Variants in MDFIC observed in about 807,000 individuals in gnomAD.
MDFIC encodes the protein myoD family inhibitor domain-containing protein.
In MDFIC, 17 loss-of-function variants were observed where a neutral mutation model predicts 23.2. That is an observed-to-expected ratio of 0.73 (90% confidence interval 0.50 to 1.10). The LOEUF is 1.10. Among genes scored for constraint, MDFIC ranks in the 50% least tolerant of loss-of-function variants. The pLI, the probability that MDFIC is intolerant of heterozygous loss-of-function variation, is 0.00. For missense variants in MDFIC, 356 were observed against 316.6 expected (o/e 1.12, Z -0.95); for synonymous variants, 120 against 115.2 (o/e 1.04, Z -0.27).
At chr7:114,924,796 T>C (rs1471134576) in intron 2 of MDFIC, among the ~76,000 whole-genome samples, 1 of 152,240 alleles carries the variant, frequency 6.6e-6, no homozygotes, top group Admixed American at 6.5e-5. Context: ...TGTTAAAATA[T>C]GATGTCTTAA....
chr7:114,938,295 G>T (rs768834520), intron 2 of MDFIC, among the ~76,000 whole-genome samples: 2 of 152,146 alleles, frequency 1.3e-5, no homozygotes, highest in Non-Finnish European at 2.9e-5. Flanking sequence ...CATGGAGACA[G>T]AAATAAATAC....
At chr7:114,954,034 A>G (rs372494235) in intron 3 of MDFIC, among the ~76,000 whole-genome samples, 1 of 152,226 alleles carries the variant, frequency 6.6e-6, no homozygotes, top group African/African-American at 2.4e-5. Context: ...CTTCTAGGTC[A>G]GGATTTCCCA....
At chr7:114,930,175 A>G (rs1253648077) in intron 2 of MDFIC, among the ~76,000 whole-genome samples, 2 of 152,208 alleles carry the variant, frequency 1.3e-5, no homozygotes, top group Non-Finnish European at 2.9e-5. Flanking sequence ...ACTGAATGGC[A>G]TGAATTCTTA....
intron 2 of MDFIC, among the ~76,000 whole-genome samples, chr7:114,933,410 C>T (rs1792366956): frequency 6.6e-6 from 1 of 152,090 alleles, no homozygotes; most frequent in Non-Finnish European, 1.5e-5. Flanking sequence ...AGGCATGGGC[C>T]ACCATGCCCA....
chr7:114,993,819 T>C (rs1791245680), intron 4 of MDFIC, among the ~76,000 whole-genome samples: 1 of 152,252 alleles, frequency 6.6e-6, no homozygotes, highest in African/African-American at 2.4e-5. Context: ...GAAGAATGTA[T>C]ATTCTGTTGA....
chr7:114,964,458 T>C (rs1167123114), intron 3 of MDFIC, among the ~76,000 whole-genome samples: 1 of 151,988 alleles, frequency 6.6e-6, no homozygotes, highest in Non-Finnish European at 1.5e-5. Flanking sequence ...CATTATTGTT[T>C]CTTTCTATTC....
intron 3 of MDFIC, among the ~76,000 whole-genome samples, chr7:114,949,806 G>A (rs2115803316): frequency 6.6e-6 from 1 of 152,198 alleles, no homozygotes; most frequent in South Asian, 2.1e-4. Context: ...TGGGGAGGGG[G>A]CCAGAGGGAG....
chr7:115,000,657 A>G (rs1423069827), intron 4 of MDFIC, among the ~76,000 whole-genome samples: 1 of 152,202 alleles, frequency 6.6e-6, no homozygotes, highest in Non-Finnish European at 1.5e-5. Flanking sequence ...AAATGATAAA[A>G]AAGGACATAT....
intron 4 of MDFIC, among the ~76,000 whole-genome samples, chr7:114,993,947 G>A (rs1396548109): frequency 6.6e-6 from 1 of 152,032 alleles, no homozygotes; most frequent in Non-Finnish European, 1.5e-5. Flanking sequence ...TTGACAGTGG[G>A]GTGTTAAGGT....
intron 3 of MDFIC, among the ~76,000 whole-genome samples, chr7:114,946,058 G>A (rs1315010015): frequency 2.0e-5 from 3 of 152,106 alleles, no homozygotes; most frequent in African/African-American, 7.2e-5. Flanking sequence ...ACAGTGAAGC[G>A]ACACCATCAA....
chr7:114,956,705 A>G (rs1792891373), intron 3 of MDFIC, among the ~76,000 whole-genome samples: 1 of 152,138 alleles, frequency 6.6e-6, no homozygotes, highest in African/African-American at 2.4e-5. Context: ...CCCCAGACCA[A>G]TGAATTTAGA....
At chr7:114,941,739 G>A (rs772003061) in intron 2 of MDFIC, among the ~76,000 whole-genome samples, 12 of 152,138 alleles carry the variant, frequency 7.9e-5, no homozygotes, top group East Asian at 7.7e-4. Context: ...CGAATCTCTC[G>A]TCCTAAATAC....
At chr7:114,945,889 G>A (rs979333055) in intron 3 of MDFIC, among the ~76,000 whole-genome samples, 1 of 151,786 alleles carries the variant, frequency 6.6e-6, no homozygotes. Context: ...ACATAATTTG[G>A]TGTATAATTT....
At chr7:114,982,373 A>G (rs1793432737) in intron 4 of MDFIC, among the ~76,000 whole-genome samples, 1 of 152,102 alleles carries the variant, frequency 6.6e-6, no homozygotes, top group Non-Finnish European at 1.5e-5. Context: ...GTCTTAGTCT[A>G]TTTGTGCTGC....
intron 3 of MDFIC, among the ~76,000 whole-genome samples, chr7:114,953,865 A>C (rs1046275918): frequency 4.6e-5 from 7 of 152,194 alleles, no homozygotes; most frequent in African/African-American, 1.7e-4. Flanking sequence ...TTGTTATACT[A>C]TATTGTCTAG....
chr7:115,002,744 C>T (rs1791488385), intron 4 of MDFIC, among the ~76,000 whole-genome samples: 1 of 152,194 alleles, frequency 6.6e-6, no homozygotes. Flanking sequence ...TACAGCTCTT[C>T]CTGTTGCAGC....
intron 4 of MDFIC, among the ~76,000 whole-genome samples, chr7:115,013,536 A>G (rs1354010542): frequency 6.6e-6 from 1 of 152,216 alleles, no homozygotes; most frequent in East Asian, 1.9e-4. Context: ...CTTGATATTT[A>G]AGCATTGCAT....
rs758605232 is a variant in MDFIC, at chr7:114,922,563, C to G, written c.-181C>G. On this transcript the variant is annotated 5_prime_UTR_variant, in exon 1 of 5. Transcript: ENST00000393486. Reference sequence around the variant, plus strand: ...GAAAATGCGGCCGCTGCCGGAGGCTCGCTAACTTTCCGGGGCGGAAGAGGA... The same window carrying G: ...GAAAATGCGGCCGCTGCCGGAGGCTGGCTAACTTTCCGGGGCGGAAGAGGA... The G allele has an allele frequency of 7.9e-7, 1 of 1,267,928 alleles. No individual in the cohort carries two copies. Among genetic ancestry groups the G allele is most frequent in the Non-Finnish European group, 1.0e-6 (1 of 1,000,186 alleles). The allele number at this position is 1,267,928 out of a possible 1,614,324, so 78.5% of individuals were successfully genotyped here. A position where few individuals can be genotyped will look rare whatever the true frequency, so the allele number is the denominator to read the frequency against.
Position 115,003,803 on chromosome 7 carries a change from C to T in MDFIC, c.494-11885C>T, listed in dbSNP as rs1267198154. 3.3e-5 allele frequency among the ~76,000 whole-genome samples: 5 copies of T among 152,122 alleles called. No individual in the cohort carries two copies. In the East Asian group the frequency reaches 9.6e-4, roughly 29 times the overall value. On this transcript the variant is annotated intron_variant, in intron 4 of 4. Coordinates refer to ENST00000393486, the MANE Select transcript of MDFIC (RefSeq NM_001166345.3). ...CTTTAAGACATAACTCAGGAATCAC[C>T]CTTACTTTCTCCTTCTACCCTATGT...
Sources: gnomAD v4.1 joint callset for allele counts (sites outside exome capture counted in the v4.1 genomes callset) on GRCh38, gnomAD v4.1.1 for gene constraint, MANE v1.5 for transcripts, NCBI Gene and HGNC (gene_info 2026-07-23, HGNC 2026-07-21) for gene names.